The following DAB1 variants were observed in gnomAD, a reference collection of about 807,000 sequenced individuals.
DAB1 encodes disabled homolog 1.
DAB1 carries 15 observed loss-of-function variants against 64.6 expected under a neutral mutation model. The ratio of observed to expected loss-of-function variants is 0.23; its 90% CI spans 0.16 to 0.36. DAB1 has a LOEUF of 0.36. DAB1 is among the 10% of genes least tolerant of loss of function. DAB1 has a pLI of 1.00. For synonymous variants in DAB1, 235 were observed against 251.9 expected, an observed-to-expected ratio of 0.93 and a Z score of 0.64; for missense variants, 596 against 706.7, an observed-to-expected ratio of 0.84 and a Z score of 1.78.
chr1:57,904,210 G>T (rs951970357), intron 5 of DAB1, among the ~76,000 whole-genome samples: 2 of 152,186 alleles, frequency 1.3e-5, no homozygotes, highest in Non-Finnish European at 2.9e-5. Context: ...CTGGTATCAG[G>T]GACGTACCAT....
intron 3 of DAB1, among the ~76,000 whole-genome samples, chr1:58,442,451 G>T (rs972191207): frequency 1.4e-5 from 2 of 139,352 alleles, no homozygotes; most frequent in Non-Finnish European, 3.3e-5. Flanking sequence ...ACATCCACAC[G>T]TAAAACTCCA....
chr1:57,581,962 T>A (rs553119461), intron 7 of DAB1, among the ~76,000 whole-genome samples: 1 of 152,320 alleles, frequency 6.6e-6, no homozygotes, highest in South Asian at 2.1e-4. Flanking sequence ...AAGATCAAGA[T>A]GCCAGCAGAT....
intron 6 of DAB1, among the ~76,000 whole-genome samples, chr1:57,802,458 G>A (rs747757953): frequency 3.3e-5 from 5 of 152,196 alleles, no homozygotes; most frequent in Non-Finnish European, 5.9e-5. Flanking sequence ...GTTGAATTGG[G>A]AGGCAAACCC....
intron 1 of DAB1, among the ~76,000 whole-genome samples, chr1:57,871,204 C>T (rs1643943541): frequency 1.3e-5 from 2 of 152,072 alleles, no homozygotes; most frequent in Non-Finnish European, 2.9e-5. Context: ...ACAGAAATGT[C>T]TTCTGATGTT....
chr1:57,011,926 C>T (rs1435694559), intron 12 of DAB1, among the ~76,000 whole-genome samples: 1 of 152,172 alleles, frequency 6.6e-6, no homozygotes, highest in Non-Finnish European at 1.5e-5. Flanking sequence ...GAAAGTGTCT[C>T]AGTGATCTGG....
chr1:58,256,633 T>C (rs1217802197), intron 4 of DAB1, among the ~76,000 whole-genome samples: 2 of 152,206 alleles, frequency 1.3e-5, no homozygotes, highest in Non-Finnish European at 2.9e-5. Context: ...GTTCTCACAA[T>C]GTTAGTTTAG....
intron 5 of DAB1, among the ~76,000 whole-genome samples, chr1:58,146,606 T>A (rs1011027992): frequency 5.3e-5 from 8 of 152,212 alleles, no homozygotes; most frequent in African/African-American, 1.9e-4. Context: ...GTGATATTTG[T>A]CTGTCTCTGC....
chr1:57,314,657 C>G (rs538133215), intron 1 of DAB1, among the ~76,000 whole-genome samples: 1 of 151,974 alleles, frequency 6.6e-6, no homozygotes, highest in Non-Finnish European at 1.5e-5. Context: ...GTGGGGCACA[C>G]CTGTGGTCCC....
intron 4 of DAB1, among the ~76,000 whole-genome samples, chr1:57,100,042 G>A (rs912708820): frequency 4.6e-5 from 7 of 152,138 alleles, no homozygotes; most frequent in African/African-American, 7.2e-5. Flanking sequence ...CAAACAAAAG[G>A]TCAGTGATCA....
chr1:57,380,874 A>G (rs775661319), intron 1 of DAB1, among the ~76,000 whole-genome samples: 3 of 152,188 alleles, frequency 2.0e-5, no homozygotes, highest in African/African-American at 7.2e-5. Flanking sequence ...TTCAAACTCC[A>G]GGCCTAGCAC....
intron 4 of DAB1, chr1:58,228,542 C>A: frequency 5.0e-6 from 2 of 402,772 alleles, no homozygotes; most frequent in Non-Finnish European, 9.5e-6. Flanking sequence ...GGTCCATTAT[C>A]GTGTGTGGAT....
At chr1:58,182,587 A>AT (rs1656856578) in intron 4 of DAB1, among the ~76,000 whole-genome samples, 1 of 151,730 alleles carries the variant, frequency 6.6e-6, no homozygotes, top group African/African-American at 2.4e-5. Context: ...CCTTGAGTAA[A>AT]TTTTTTGTTT....
intron 5 of DAB1, among the ~76,000 whole-genome samples, chr1:58,130,597 G>T (rs1336899972): frequency 3.3e-5 from 5 of 152,140 alleles, no homozygotes; most frequent in South Asian, 4.2e-4. Context: ...GGCTGGTACC[G>T]GTTGTTCCTT....
chr1:58,139,157 C>G (rs1202991170), intron 5 of DAB1, among the ~76,000 whole-genome samples: 1 of 152,074 alleles, frequency 6.6e-6, no homozygotes, highest in Non-Finnish European at 1.5e-5. Flanking sequence ...ACTGTTCCAC[C>G]CCGCACATCA....
chr1:58,249,374 G>C (rs1660696878), intron 4 of DAB1, among the ~76,000 whole-genome samples: 2 of 151,874 alleles, frequency 1.3e-5, no homozygotes, highest in South Asian at 4.2e-4. Flanking sequence ...AAAGCTCAGA[G>C]AGCCGGGCAT....
At chr1:57,050,458 C>A (rs1273253154) in intron 9 of DAB1, among the ~76,000 whole-genome samples, 1 of 152,238 alleles carries the variant, frequency 6.6e-6, no homozygotes, top group Non-Finnish European at 1.5e-5. Flanking sequence ...CATGGAGGCA[C>A]CCTATGGTCC....
At chr1:57,836,972 C>A (rs1184812053) in intron 1 of DAB1, among the ~76,000 whole-genome samples, 2 of 152,178 alleles carry the variant, frequency 1.3e-5, no homozygotes, top group Non-Finnish European at 2.9e-5. Flanking sequence ...AACCAGAAAC[C>A]TAGGAGTGAT....
At chr1:57,003,135 T>A (rs529147706) in intron 14 of DAB1, among the ~76,000 whole-genome samples, 1 of 152,220 alleles carries the variant, frequency 6.6e-6, no homozygotes, top group Admixed American at 6.5e-5. Context: ...CCTAGGAAAA[T>A]TGTGCAGAAT....
At chr1:57,471,133 ACTT>A (rs1186602644) in intron 7 of DAB1, among the ~76,000 whole-genome samples, 1 of 152,196 alleles carries the variant, frequency 6.6e-6, no homozygotes, top group African/African-American at 2.4e-5. Context: ...ACTTTTTCAT[ACTT>A]CTTTTTCCAG....
Sources: gnomAD v4.1 joint callset for allele counts (sites outside exome capture counted in the v4.1 genomes callset) on GRCh38, gnomAD v4.1.1 for gene constraint, MANE v1.5 for transcripts, NCBI Gene and HGNC (gene_info 2026-07-23, HGNC 2026-07-21) for gene names.